Variants in CNTNAP5 observed in about 807,000 individuals in gnomAD.
CNTNAP5 encodes contactin-associated protein-like 5.
CNTNAP5 carries 72 observed loss-of-function variants against 150.2 expected under a neutral mutation model. The observed-to-expected ratio is 0.48, with a 90% confidence interval of 0.40 to 0.58. CNTNAP5 has a LOEUF of 0.58. Among genes scored for constraint, CNTNAP5 ranks in the 20% least tolerant of loss-of-function variants. CNTNAP5 has a pLI of 0.00. For synonymous variants in CNTNAP5, 672 were observed against 619.8 expected (o/e 1.08, Z -1.25); for missense variants, 1,636 against 1,626.2 (o/e 1.01, Z -0.10).
At chr2:124,508,289 A>G (rs780509011) in intron 8 of CNTNAP5, among the ~76,000 whole-genome samples, 1 of 152,252 alleles carries the variant, frequency 6.6e-6, no homozygotes, top group Non-Finnish European at 1.5e-5. Context: ...AAAATTTATT[A>G]GATTTCCAGT....
intron 1 of CNTNAP5, among the ~76,000 whole-genome samples, chr2:124,212,725 ACTCCTG>A (rs1686046165): frequency 6.7e-6 from 1 of 150,050 alleles, no homozygotes; most frequent in Non-Finnish European, 1.5e-5. Flanking sequence ...CAGGTCACTT[ACTCCTG>A]AACTTGGTCT....
At chr2:124,819,710 G>C (rs555142710) in intron 19 of CNTNAP5, among the ~76,000 whole-genome samples, 1 of 152,248 alleles carries the variant, frequency 6.6e-6, no homozygotes, top group South Asian at 2.1e-4. Context: ...AAGAGCAGAA[G>C]GGAAAGGAGG....
intron 1 of CNTNAP5, among the ~76,000 whole-genome samples, chr2:124,093,641 C>T (rs2104688655): frequency 6.6e-6 from 1 of 150,598 alleles, no homozygotes; most frequent in Admixed American, 6.6e-5. Flanking sequence ...TAAGGTAAAG[C>T]CCAACAAAGC....
At chr2:124,898,024 A>T (rs1558818071) in intron 21 of CNTNAP5, among the ~76,000 whole-genome samples, 1 of 150,334 alleles carries the variant, frequency 6.7e-6, no homozygotes, top group Non-Finnish European at 1.5e-5. Context: ...GGATTGAAAG[A>T]TTTATTTATT....
chr2:124,715,019 A>T (rs1359352342), intron 13 of CNTNAP5, among the ~76,000 whole-genome samples: 1 of 152,218 alleles, frequency 6.6e-6, no homozygotes, highest in African/African-American at 2.4e-5. Context: ...CAGGACTACC[A>T]TGAATAAGAA....
intron 10 of CNTNAP5, among the ~76,000 whole-genome samples, chr2:124,536,605 A>C (rs775456916): frequency 6.6e-6 from 1 of 152,170 alleles, no homozygotes; most frequent in Non-Finnish European, 1.5e-5. Flanking sequence ...CCGGGATTCG[A>C]ATTCAGGTTT....
At chr2:124,727,403 T>C (rs1380937715) in intron 13 of CNTNAP5, among the ~76,000 whole-genome samples, 1 of 151,944 alleles carries the variant, frequency 6.6e-6, no homozygotes, top group Non-Finnish European at 1.5e-5. Flanking sequence ...CATTGAACTT[T>C]GGGTAGTATG....
intron 6 of CNTNAP5, among the ~76,000 whole-genome samples, chr2:124,464,871 T>C (rs1422648112): frequency 1.3e-5 from 2 of 152,150 alleles, no homozygotes; most frequent in African/African-American, 4.8e-5. Context: ...CCAGTGTAAG[T>C]CTTAAAAGAT....
chr2:124,410,525 C>T (rs1320128117), intron 3 of CNTNAP5, among the ~76,000 whole-genome samples: 12 of 143,080 alleles, frequency 8.4e-5, no homozygotes, highest in Non-Finnish European at 1.9e-4. Flanking sequence ...TTATAACAAA[C>T]TATCTCTCAG....
At chr2:124,584,309 G>A (rs12619786) in intron 11 of CNTNAP5, among the ~76,000 whole-genome samples, 36,434 of 151,950 alleles carry the variant, frequency 0.24, 4,624 homozygotes, top group Non-Finnish European at 0.29. Flanking sequence ...CCTGCTGGTG[G>A]TCATGAAGTT....
At chr2:124,372,909 G>A (rs1444061028) in intron 3 of CNTNAP5, among the ~76,000 whole-genome samples, 1 of 152,142 alleles carries the variant, frequency 6.6e-6, no homozygotes, top group Non-Finnish European at 1.5e-5. Context: ...ATATGCATGT[G>A]AGGAAGATAT....
At chr2:124,505,073 T>C (rs1694372503) in intron 8 of CNTNAP5, among the ~76,000 whole-genome samples, 2 of 152,072 alleles carry the variant, frequency 1.3e-5, no homozygotes. Context: ...TCAACTTTGG[T>C]TAAGTGCTTA....
In CNTNAP5 at chr2:124,377,228, G is replaced by A. The variant is rs190045619; in HGVS notation, c.382-40215G>A. Among the ~76,000 whole-genome samples the A allele has an allele frequency of 2.6e-5, 4 of 152,174 alleles. No individual in the cohort carries two copies. The East Asian group carries it at 7.8e-4, about 30-fold the overall frequency. On this transcript the variant is annotated intron_variant, in intron 3 of 23. Transcript: ENST00000682447. ...TACATTGGGAACACTGTCTTCCACT[G>A]AATACATTATTTTTGCTTTAATAGA...
At chr2:124,522,623 G>A (rs1694870726) in intron 8 of CNTNAP5, among the ~76,000 whole-genome samples, 1 of 152,240 alleles carries the variant, frequency 6.6e-6, no homozygotes, top group Admixed American at 6.5e-5. Flanking sequence ...CATGCCCAGA[G>A]ATGCTGATGG....
chr2:124,051,968 C>T (rs1404016962), intron 1 of CNTNAP5, among the ~76,000 whole-genome samples: 1 of 152,096 alleles, frequency 6.6e-6, no homozygotes, highest in East Asian at 1.9e-4. Flanking sequence ...TTTTGTAAAA[C>T]ACAAAAAGAT....
intron 21 of CNTNAP5, among the ~76,000 whole-genome samples, chr2:124,873,366 C>T (rs530034169): frequency 3.9e-5 from 6 of 152,080 alleles, no homozygotes; most frequent in Non-Finnish European, 2.9e-5. Context: ...TTAGGGATTA[C>T]AATTCAACAT....
chr2:124,701,640 T>C (rs1679523368), intron 13 of CNTNAP5, among the ~76,000 whole-genome samples: 1 of 152,088 alleles, frequency 6.6e-6, no homozygotes, highest in African/African-American at 2.4e-5. Flanking sequence ...GTGAACAAGG[T>C]ACAAGAGTTC....
intron 3 of CNTNAP5, among the ~76,000 whole-genome samples, chr2:124,273,378 G>T (rs1371143999): frequency 6.6e-6 from 1 of 152,194 alleles, no homozygotes; most frequent in Non-Finnish European, 1.5e-5. Flanking sequence ...AGCTTGAAGA[G>T]AAAGATGGAC....
intron 1 of CNTNAP5, among the ~76,000 whole-genome samples, chr2:124,068,358 T>C (rs1031075283): frequency 6.6e-5 from 10 of 152,098 alleles, no homozygotes. Flanking sequence ...AGCAAAGCCA[T>C]CTTCGACTCA....
Sources: gnomAD v4.1 joint callset for allele counts (sites outside exome capture counted in the v4.1 genomes callset) on GRCh38, gnomAD v4.1.1 for gene constraint, MANE v1.5 for transcripts, NCBI Gene and HGNC (gene_info 2026-07-23, HGNC 2026-07-21) for gene names.